RIT2: variants seen among roughly 807,000 people sequenced by gnomAD.
RIT2 encodes the protein GTP-binding protein Rit2.
RIT2 carries 24 observed loss-of-function variants against 23.7 expected under a neutral mutation model. The observed-to-expected ratio is 1.01, with a 90% CI of 0.73 to 1.43. The LOEUF is 1.43. Among genes scored for constraint, RIT2 ranks in the 40% most tolerant of loss-of-function variants. The pLI is 0.00. For synonymous variants in RIT2, 107 were observed against 91.1 expected (o/e 1.17, Z -0.99); for missense variants, 236 against 266.9 (o/e 0.88, Z 0.81).
chr18:43,106,114 G>T (rs2144246098), intron 1 of RIT2, among the ~76,000 whole-genome samples: 1 of 152,326 alleles, frequency 6.6e-6, no homozygotes, highest in Middle Eastern at 3.4e-3. Context: ...TCTGGGTTTA[G>T]TGAGACTTAA....
At chr18:42,797,304 C>G (rs1431710562) in intron 4 of RIT2, among the ~76,000 whole-genome samples, 1 of 152,004 alleles carries the variant, frequency 6.6e-6, no homozygotes, top group East Asian at 1.9e-4. Flanking sequence ...AAAAGGAGGA[C>G]AAGATGTGTT....
At chr18:42,976,119 C>T (rs1910472706) in intron 2 of RIT2, among the ~76,000 whole-genome samples, 1 of 151,904 alleles carries the variant, frequency 6.6e-6, no homozygotes, top group African/African-American at 2.4e-5. Flanking sequence ...TAGTTTTATT[C>T]CATTGTGATT....
At chr18:42,853,746 G>C (rs1000226264) in intron 4 of RIT2, among the ~76,000 whole-genome samples, 3 of 152,108 alleles carry the variant, frequency 2.0e-5, no homozygotes, top group African/African-American at 7.2e-5. Flanking sequence ...ATAATTTTCA[G>C]TAATTGTATG....
At chr18:42,832,607 T>C (rs73470089) in intron 4 of RIT2, among the ~76,000 whole-genome samples, 3,067 of 152,304 alleles carry the variant, frequency 0.02, 94 homozygotes, top group African/African-American at 0.068. Flanking sequence ...ATGGACTATT[T>C]AATGACCAAA....
chr18:43,104,782 C>T (rs1344007090), intron 1 of RIT2, among the ~76,000 whole-genome samples: 3 of 152,166 alleles, frequency 2.0e-5, no homozygotes, highest in East Asian at 3.9e-4. Context: ...AAGATGTGCC[C>T]TTTTGCTACC....
At chr18:42,941,628 A>C (rs1470613475) in intron 3 of RIT2, among the ~76,000 whole-genome samples, 1 of 152,170 alleles carries the variant, frequency 6.6e-6, no homozygotes, top group Non-Finnish European at 1.5e-5. Flanking sequence ...GTGGAGTAGA[A>C]TTAATCACAT....
chr18:42,898,589 T>G (rs1224451882), intron 4 of RIT2, among the ~76,000 whole-genome samples: 3 of 152,276 alleles, frequency 2.0e-5, no homozygotes, highest in Non-Finnish European at 4.4e-5. Context: ...ATAAATATTA[T>G]GTTATTATAT....
rs1484062450 is a variant in RIT2, at chr18:43,115,407, G to GA, written c.103+9dup. 3 of 1,612,850 alleles carry GA rather than the reference G, an allele frequency of 1.9e-6. No individual in the cohort carries two copies. The highest frequency in any genetic ancestry group is 2.5e-6 in the Non-Finnish European group (3 of 1,179,586). On this transcript the variant is annotated intron_variant, in intron 1 of 4. Coordinates refer to ENST00000326695, the MANE Select transcript of RIT2 (RefSeq NM_002930.4). ...TCCCTCCTTCCCCAGCATTTGGTGTGAAAACTTACCGCTTTTACCAACTCC... is the reference window on the plus strand; with the variant it reads ...TCCCTCCTTCCCCAGCATTTGGTGTGAAAAACTTACCGCTTTTACCAACTCC...
At chr18:42,879,841 G>A (rs577748630) in intron 4 of RIT2, among the ~76,000 whole-genome samples, 1 of 152,160 alleles carries the variant, frequency 6.6e-6, no homozygotes, top group Non-Finnish European at 1.5e-5. Context: ...TGCAGGCTTC[G>A]ATTATGACAA....
chr18:42,777,128 A>T (rs1913690538), intron 4 of RIT2, among the ~76,000 whole-genome samples: 1 of 152,054 alleles, frequency 6.6e-6, no homozygotes, highest in African/African-American at 2.4e-5. Context: ...TGGGTGAATA[A>T]TGTGCTATTT....
At chr18:42,759,492 A>G (rs1266633985) in intron 4 of RIT2, among the ~76,000 whole-genome samples, 1 of 152,146 alleles carries the variant, frequency 6.6e-6, no homozygotes, top group East Asian at 1.9e-4. Context: ...TGTCTAGAAC[A>G]CAAAAATAAT....
At chr18:42,939,306 A>G (rs1290775667) in intron 3 of RIT2, among the ~76,000 whole-genome samples, 4 of 152,140 alleles carry the variant, frequency 2.6e-5, no homozygotes, top group African/African-American at 4.8e-5. Context: ...GAAGTTAAAA[A>G]GAGTACCTAC....
chr18:42,827,057 C>T (rs1214382574), intron 4 of RIT2, among the ~76,000 whole-genome samples: 1 of 152,002 alleles, frequency 6.6e-6, no homozygotes, highest in Non-Finnish European at 1.5e-5. Flanking sequence ...TTAAAACAAA[C>T]AAGCAAACCA....
intron 4 of RIT2, among the ~76,000 whole-genome samples, chr18:42,897,354 A>G (rs940593004): frequency 5.3e-5 from 8 of 152,124 alleles, no homozygotes; most frequent in African/African-American, 1.2e-4. Flanking sequence ...AGCAGGGGGA[A>G]GTGGGTTTGA....
At chr18:43,068,427 A>G (rs1439264695) in intron 1 of RIT2, among the ~76,000 whole-genome samples, 1 of 152,158 alleles carries the variant, frequency 6.6e-6, no homozygotes, top group East Asian at 1.9e-4. Context: ...AGGAGCTTTG[A>G]CAATAGCAGA....
chr18:43,108,124 G>A (rs1301549120), intron 1 of RIT2, among the ~76,000 whole-genome samples: 1 of 150,810 alleles, frequency 6.6e-6, no homozygotes, highest in African/African-American at 2.4e-5. Context: ...GCAGTGAGCC[G>A]AGATTGCACC....
chr18:42,917,117 A>G (rs1474864450), intron 4 of RIT2, among the ~76,000 whole-genome samples: 2 of 152,106 alleles, frequency 1.3e-5, no homozygotes, highest in African/African-American at 4.8e-5. Context: ...GCCGGAAGCT[A>G]TCTATGAATT....
intron 4 of RIT2, among the ~76,000 whole-genome samples, chr18:42,792,452 A>G (rs1468172327): frequency 2.0e-5 from 3 of 152,142 alleles, no homozygotes; most frequent in African/African-American, 4.8e-5. Flanking sequence ...TTCCATTGCT[A>G]TTTTCCAATC....
intron 4 of RIT2, among the ~76,000 whole-genome samples, chr18:42,840,067 T>TGTCCCA (rs1906721501): frequency 6.6e-6 from 1 of 152,212 alleles, no homozygotes; most frequent in African/African-American, 2.4e-5. Flanking sequence ...TCACATAGGA[T>TGTCCCA]GTCCCATTCA....
Sources: allele counts gnomAD v4.1 joint callset (sites outside exome capture counted in the v4.1 genomes callset), GRCh38; gene constraint gnomAD v4.1.1; transcripts MANE v1.5; gene names NCBI Gene and HGNC (gene_info 2026-07-23, HGNC 2026-07-21).